The following SHANK2 variants were observed in gnomAD, a reference collection of about 807,000 sequenced individuals.
SHANK2 encodes the protein SH3 and multiple ankyrin repeat domains protein 2.
SHANK2 carries 43 observed loss-of-function variants against 133.7 expected under a neutral mutation model. That is an observed-to-expected ratio of 0.32 (90% CI 0.25 to 0.41). The LOEUF is 0.41. Ranked by LOEUF, SHANK2 falls within the 10% of genes least tolerant of loss-of-function variation. The probability of loss-of-function intolerance (pLI) is 1.00; values close to 1 mark genes in which losing one functional copy is unlikely to be tolerated. For synonymous variants in SHANK2, 1,017 were observed against 952.8 expected (o/e 1.07, Z -1.24); for missense variants, 1,994 against 2,235.8 (o/e 0.89, Z 2.18).
intron 17 of SHANK2, among the ~76,000 whole-genome samples, chr11:70,560,725 G>A (rs955041229): frequency 4.0e-5 from 6 of 151,342 alleles, no homozygotes; most frequent in Admixed American, 2.0e-4. Context: ...TCCAACTCCC[G>A]GGTTCAAGCG....
chr11:71,172,430 T>C (rs1396950353), intron 2 of SHANK2, among the ~76,000 whole-genome samples: 3 of 151,662 alleles, frequency 2.0e-5, no homozygotes, highest in Non-Finnish European at 4.4e-5. Flanking sequence ...ACACCCCATC[T>C]CTACTAAAAA....
intron 2 of SHANK2, among the ~76,000 whole-genome samples, chr11:71,163,029 C>T (rs556917887): frequency 2.5e-4 from 35 of 142,424 alleles, no homozygotes; most frequent in Non-Finnish European, 2.6e-4. Context: ...GCCGAGATCG[C>T]GCCACTGCAT....
rs1358901564 is a variant in SHANK2, at chr11:70,783,397, G to A, written c.1777+15046C>T. ...CAGCAAGCGGACTACGACTGCCCAC[G>A]GCGGGACAGAGGGACAAATCCCCAG... On this transcript the variant is annotated intron_variant, in intron 14 of 25. Coordinates refer to ENST00000601538, the MANE Select transcript of SHANK2 (RefSeq NM_012309.5). Among the ~76,000 whole-genome samples, 10 of 152,082 alleles carry A rather than the reference G, an allele frequency of 6.6e-5. No homozygotes were observed. The South Asian group carries it at 1.2e-3, about 19-fold the overall frequency.
chr11:70,682,315 G>C (rs1243442016), intron 15 of SHANK2, among the ~76,000 whole-genome samples: 2 of 152,230 alleles, frequency 1.3e-5, no homozygotes, highest in African/African-American at 4.8e-5. Context: ...GGCACCAACA[G>C]AGTGCAGAAA....
intron 11 of SHANK2, among the ~76,000 whole-genome samples, chr11:70,879,335 C>G (rs1329622645): frequency 6.6e-6 from 1 of 152,240 alleles, no homozygotes; most frequent in Non-Finnish European, 1.5e-5. Context: ...TTTAATTCTA[C>G]CCAGCATATT....
chr11:70,641,778 C>T (rs973353151), intron 17 of SHANK2, among the ~76,000 whole-genome samples: 9 of 152,190 alleles, frequency 5.9e-5, no homozygotes, highest in African/African-American at 1.4e-4. Flanking sequence ...TGGCTTGTTA[C>T]GGTGTCCAGC....
intron 10 of SHANK2, among the ~76,000 whole-genome samples, chr11:70,908,455 T>C (rs1950141316): frequency 1.3e-5 from 2 of 152,232 alleles, no homozygotes; most frequent in South Asian, 4.1e-4. Context: ...ACTCCGCCTG[T>C]GCATGGGAGT....
At chr11:70,825,164 G>A (rs1176848834) in intron 11 of SHANK2, among the ~76,000 whole-genome samples, 1 of 152,128 alleles carries the variant, frequency 6.6e-6, no homozygotes, top group Non-Finnish European at 1.5e-5. Flanking sequence ...ACTCTTCATA[G>A]CAAGTGATGG....
intron 10 of SHANK2, among the ~76,000 whole-genome samples, chr11:70,917,938 T>C (rs1555080105): frequency 6.6e-6 from 1 of 152,130 alleles, no homozygotes; most frequent in East Asian, 1.9e-4. Flanking sequence ...TGAAATAATG[T>C]GTACAATAAA....
At chr11:70,787,616 A>C (rs1555046969) in intron 14 of SHANK2, among the ~76,000 whole-genome samples, 1 of 151,952 alleles carries the variant, frequency 6.6e-6, no homozygotes, top group African/African-American at 2.4e-5. Context: ...CACCACCACC[A>C]GCATCACCAC....
At chr11:70,564,442 T>C in intron 17 of SHANK2, among the ~76,000 whole-genome samples, 1 of 151,964 alleles carries the variant, frequency 6.6e-6, no homozygotes, top group East Asian at 1.9e-4. Context: ...ATATTTTTAG[T>C]AGAGATGGGG....
chr11:70,695,722 C>T (rs1945378445), intron 15 of SHANK2, among the ~76,000 whole-genome samples: 2 of 152,222 alleles, frequency 1.3e-5, no homozygotes, highest in Non-Finnish European at 1.5e-5. Flanking sequence ...GTAACACCTG[C>T]GTTACCAGGT....
At chr11:70,512,313 C>T (rs1159341931) in intron 17 of SHANK2, among the ~76,000 whole-genome samples, 1 of 152,196 alleles carries the variant, frequency 6.6e-6, no homozygotes, top group Non-Finnish European at 1.5e-5. Flanking sequence ...TTGAGAACCA[C>T]TAATTTGGCT....
chr11:71,060,256 C>T (rs1257548513), intron 9 of SHANK2, among the ~76,000 whole-genome samples: 5 of 152,148 alleles, frequency 3.3e-5, no homozygotes, highest in African/African-American at 1.2e-4. Flanking sequence ...TAGGACAGCC[C>T]CCCATGGCAA....
intron 2 of SHANK2, among the ~76,000 whole-genome samples, chr11:71,166,666 A>G (rs1366453948): frequency 2.0e-5 from 3 of 151,490 alleles, no homozygotes; most frequent in Non-Finnish European, 4.4e-5. Context: ...ATTTTTTAGT[A>G]GAGACAGGAT....
At chr11:71,138,593 G>C (rs183967140) in intron 3 of SHANK2, among the ~76,000 whole-genome samples, 59 of 152,026 alleles carry the variant, frequency 3.9e-4, no homozygotes, top group Admixed American at 3.4e-3. Flanking sequence ...GAGGTGGGAG[G>C]ATCACTTGAG....
intron 2 of SHANK2, among the ~76,000 whole-genome samples, chr11:71,194,582 A>T (rs1953860269): frequency 6.6e-6 from 1 of 152,358 alleles, no homozygotes; most frequent in Middle Eastern, 3.4e-3. Flanking sequence ...CCAGTGACCA[A>T]GGAAGTGGAT....
chr11:71,206,849 G>A (rs1954136416), intron 2 of SHANK2, among the ~76,000 whole-genome samples: 1 of 152,168 alleles, frequency 6.6e-6, no homozygotes, highest in African/African-American at 2.4e-5. Context: ...GTTGAGGTGG[G>A]AGGCTTGCTT....
intron 17 of SHANK2, among the ~76,000 whole-genome samples, chr11:70,606,057 G>C (rs2060572893): frequency 6.6e-6 from 1 of 152,226 alleles, no homozygotes; most frequent in East Asian, 1.9e-4. Flanking sequence ...ACAGCAGATC[G>C]GGGCTGCTTC....
Sources: allele counts gnomAD v4.1 joint callset (sites outside exome capture counted in the v4.1 genomes callset), GRCh38; gene constraint gnomAD v4.1.1; transcripts MANE v1.5; gene names NCBI Gene and HGNC (gene_info 2026-07-23, HGNC 2026-07-21).